The following PLEKHA7 variants were observed in gnomAD, a reference collection of about 807,000 sequenced individuals.
PLEKHA7 encodes the protein pleckstrin homology domain-containing family A member 7.
In PLEKHA7, 104 loss-of-function variants were observed where a neutral mutation model predicts 170.0. That is an observed-to-expected ratio of 0.61 (90% CI 0.52 to 0.72). The LOEUF (loss-of-function observed/expected upper bound fraction) is 0.72. Among genes scored for constraint, PLEKHA7 ranks in the 30% least tolerant of loss-of-function variants. PLEKHA7 has a pLI of 0.00. For missense variants in PLEKHA7, 1,615 were observed against 1,671.7 expected (o/e 0.97, Z 0.59); for synonymous variants, 648 against 660.8 (o/e 0.98, Z 0.30).
rs1768986983 is a variant in PLEKHA7 at position 16,791,639 on chromosome 11, T to C, written c.2746-440A>G. ...CAGTGCTCAGCCTGAGCCGGCTCAT[T>C]GGCCCTACACGAGCTCTGGCGCCTT... On this transcript the variant is annotated intron_variant, in intron 19 of 26. Transcript: ENST00000531066. The surrounding 1 kb of genome is among the most constrained non-coding windows in gnomAD (Gnocchi z 4.5). 2 of 460,560 alleles carry C rather than the reference T, an allele frequency of 4.3e-6. No individual in the cohort carries two copies. Among genetic ancestry groups the C allele is most frequent in the South Asian group, 3.1e-5 (2 of 64,618 alleles). 28.5% of individuals were successfully genotyped at this position (460,560 alleles called of 1,614,324 possible).
At chr11:16,985,527 A>T (rs1863672245) in intron 3 of PLEKHA7, among the ~76,000 whole-genome samples, 1 of 137,448 alleles carries the variant, frequency 7.3e-6, no homozygotes, top group South Asian at 2.2e-4. Context: ...GGGGCAAGAG[A>T]GCTCTTGGGG....
chr11:16,840,353 G>C (rs1851854229), intron 9 of PLEKHA7, among the ~76,000 whole-genome samples: 1 of 152,114 alleles, frequency 6.6e-6, no homozygotes, highest in Non-Finnish European at 1.5e-5. Flanking sequence ...TTGAAGTCAG[G>C]AGTTCAAGAC....
chr11:16,834,429 C>T (rs1434978173), intron 9 of PLEKHA7, among the ~76,000 whole-genome samples: 2 of 152,068 alleles, frequency 1.3e-5, no homozygotes, highest in African/African-American at 2.4e-5. Flanking sequence ...AGAGATGAAC[C>T]AAAGGTGTTT....
chr11:16,940,993 G>A (rs149906870), intron 3 of PLEKHA7, among the ~76,000 whole-genome samples: 64 of 152,238 alleles, frequency 4.2e-4, no homozygotes, highest in African/African-American at 1.5e-3. Flanking sequence ...CTGGATAAAC[G>A]ATTCAGTGAA....
chr11:16,988,085 C>T (rs1863839819), intron 3 of PLEKHA7, among the ~76,000 whole-genome samples: 1 of 152,232 alleles, frequency 6.6e-6, no homozygotes, highest in South Asian at 2.1e-4. Flanking sequence ...CACTACCTCA[C>T]CTACAGGGGA....
At chr11:16,881,873 T>C (rs1161063046) in intron 3 of PLEKHA7, among the ~76,000 whole-genome samples, 1 of 152,200 alleles carries the variant, frequency 6.6e-6, no homozygotes, top group Non-Finnish European at 1.5e-5. Flanking sequence ...TAACAATGAT[T>C]CTTTCCTCAA....
chr11:17,007,890 G>A (rs1865106217), intron 3 of PLEKHA7, among the ~76,000 whole-genome samples: 2 of 152,006 alleles, frequency 1.3e-5, no homozygotes, highest in Admixed American at 1.3e-4. Flanking sequence ...ATATTCAGTT[G>A]GTGCAAAAGT....
intron 3 of PLEKHA7, among the ~76,000 whole-genome samples, chr11:16,915,099 C>T (rs1324234967): frequency 4.6e-5 from 7 of 152,142 alleles, no homozygotes; most frequent in African/African-American, 9.7e-5. Flanking sequence ...CCCCTGTGGC[C>T]GAATTCCCCA....
intron 3 of PLEKHA7, among the ~76,000 whole-genome samples, chr11:16,889,312 T>C (rs1405919753): frequency 6.9e-6 from 1 of 145,266 alleles, no homozygotes; most frequent in Admixed American, 7.1e-5. Context: ...CCAACTCCTA[T>C]AAAGCAACCC....
intron 13 of PLEKHA7, among the ~76,000 whole-genome samples, chr11:16,809,383 G>A (rs577835118): frequency 1.3e-5 from 2 of 152,304 alleles, no homozygotes; most frequent in South Asian, 2.1e-4. Flanking sequence ...CCAAGTCAAC[G>A]TGGCACATGG....
chr11:16,943,210 A>G (rs1402088561), intron 3 of PLEKHA7, among the ~76,000 whole-genome samples: 1 of 152,188 alleles, frequency 6.6e-6, no homozygotes, highest in East Asian at 1.9e-4. Flanking sequence ...AACCCAAAAT[A>G]TTATTTCAAT....
In PLEKHA7 at chr11:16,789,168, C is replaced by T. The variant is rs772455589; in HGVS notation, c.3285G>A (p.Leu1095=). 1.9e-6 allele frequency: 3 copies of T among 1,612,378 alleles called. No individual in the cohort carries two copies. The highest frequency in any genetic ancestry group is 2.7e-5 in the African/African-American group (2 of 74,946). The stretch of plus-strand genomic sequence containing the variant: ...GCAGGCCCGTCCTCTCCCCTTGGCC[C>T]AGTGTCCTCTTGCGCTCTCGGACCA... The part of the protein sequence containing the change: ...KALVRERKRT[L]GQGERTGLPS... Residue 1095 remains leucine (L), a synonymous_variant, in exon 23 of 27, where the codon CTG becomes CTA. Coordinates refer to ENST00000531066, the MANE Select transcript of PLEKHA7 (RefSeq NM_001329630.2). The surrounding 1 kb of genome is among the most constrained non-coding windows in gnomAD (Gnocchi z 4.6).
intron 3 of PLEKHA7, among the ~76,000 whole-genome samples, chr11:16,905,231 G>T (rs1443334054): frequency 6.6e-6 from 1 of 152,128 alleles, no homozygotes; most frequent in Non-Finnish European, 1.5e-5. Context: ...CAACCTGGGT[G>T]TCAGAGCAGG....
intron 13 of PLEKHA7, among the ~76,000 whole-genome samples, chr11:16,806,825 CTCTG>C (rs1258384665): frequency 6.6e-6 from 1 of 152,210 alleles, no homozygotes; most frequent in Non-Finnish European, 1.5e-5. Flanking sequence ...TCATGCTCAA[CTCTG>C]TCTGGGTGAG....
At chr11:16,790,227 A>C in intron 21 of PLEKHA7, 2 of 293,752 alleles carry the variant, frequency 6.8e-6, no homozygotes, top group Non-Finnish European at 1.3e-5. Context: ...GCACAACCCA[A>C]CTTGGGGTGA....
At chr11:16,957,697 C>CTTTTTTTTTTCTTTTTTTTTTT (rs58942054) in intron 3 of PLEKHA7, among the ~76,000 whole-genome samples, 2 of 87,296 alleles carry the variant, frequency 2.3e-5, no homozygotes, top group African/African-American at 1.0e-4. Flanking sequence ...TAATTTTTTT[C>CTTTTTTTTTTCTTTTTTTTTTT]TTTTTTTTTT....
intron 3 of PLEKHA7, among the ~76,000 whole-genome samples, chr11:16,875,998 T>C (rs1855263551): frequency 2.0e-5 from 3 of 152,148 alleles, no homozygotes. Flanking sequence ...TTTGATCTCT[T>C]TCCACTACTC....
intron 9 of PLEKHA7, among the ~76,000 whole-genome samples, chr11:16,840,712 C>A (rs1365025594): frequency 6.6e-6 from 1 of 152,116 alleles, no homozygotes; most frequent in Admixed American, 6.5e-5. Context: ...CCTGACTATA[C>A]CCTGGCCTCT....
At chr11:16,865,945 C>T (rs1266716228) in intron 4 of PLEKHA7, among the ~76,000 whole-genome samples, 2 of 151,816 alleles carry the variant, frequency 1.3e-5, no homozygotes, top group African/African-American at 4.8e-5. Flanking sequence ...TCAAGTGATT[C>T]TCCTGCCTCA....
Sources: gnomAD v4.1 joint callset for allele counts (sites outside exome capture counted in the v4.1 genomes callset) on GRCh38, gnomAD v4.1.1 for gene constraint, Gnocchi (gnomAD v3.1) non-coding constraint, MANE v1.5 for transcripts, NCBI Gene and HGNC (gene_info 2026-07-23, HGNC 2026-07-21) for gene names.